The following SDCBP variants were observed in gnomAD, a reference collection of about 807,000 sequenced individuals.
SDCBP encodes the protein syntenin-1.
In SDCBP, 22 loss-of-function variants were observed where a neutral mutation model predicts 30.5. That is an observed-to-expected ratio of 0.72 (90% CI 0.52 to 1.03). SDCBP has a LOEUF of 1.03. Ranked by LOEUF, SDCBP falls within the 50% of genes least tolerant of loss-of-function variation. The probability of loss-of-function intolerance (pLI) is 0.00; values close to 1 mark genes in which losing one functional copy is unlikely to be tolerated. For synonymous variants in SDCBP, 103 were observed against 118.7 expected (o/e 0.87, Z 0.86); for missense variants, 304 against 369.9 (o/e 0.82, Z 1.46).
rs77241776 is a variant in SDCBP at position 58,557,867 on chromosome 8, G to A, written c.-16+4564G>A. On this transcript the variant is annotated intron_variant, in intron 1 of 8. Transcript: ENST00000260130. ...GAAACAAAATTCTTTAGTTTAGTTC[G>A]TACAATAATAATGTTTGATAAGAGT... Among the ~76,000 whole-genome samples, 854 of 152,226 alleles carry A rather than the reference G, an allele frequency of 5.6e-3. 6 individuals are homozygous for A. The highest frequency in any genetic ancestry group is 0.019 in the African/African-American group (792 of 41,530).
At position 58,581,867 on chromosome 8, in the gene SDCBP, C is replaced by T. The variant is rs1805707516; in HGVS notation, c.*127C>T. On this transcript the variant is annotated 3_prime_UTR_variant, in exon 9 of 9. Transcript: ENST00000260130. ...GCTGCATGAGGACCTTTCTATCTTA[C>T]ATTATGGCTGGGAATCTTACTCTTT... 6.9e-6 allele frequency: 5 copies of T among 721,016 alleles called. No individual in the cohort carries two copies. The highest frequency in any genetic ancestry group is 1.2e-5 in the Non-Finnish European group (5 of 407,048). 44.7% of individuals were successfully genotyped at this position (721,016 alleles called of 1,614,324 possible). A position where few individuals can be genotyped will look rare whatever the true frequency, so the allele number is the denominator to read the frequency against.
chr8:58,571,001 G>A (rs759037447), intron 3 of SDCBP, 36 bp downstream of exon 3: 5 of 1,441,922 alleles, frequency 3.5e-6, no homozygotes, highest in Non-Finnish European at 3.9e-6. Context: ...TCTGTGAACA[G>A]AAATATTGTT....
intron 4 of SDCBP, among the ~76,000 whole-genome samples, chr8:58,572,800 C>CTTTTTTTTTTT (rs947602204): frequency 3.6e-5 from 3 of 83,140 alleles, no homozygotes; most frequent in Admixed American, 1.6e-4. Flanking sequence ...TGCTCATAAT[C>CTTTTTTTTTTT]TTTTTTTTTT....
At chr8:58,565,443 A>G (rs1007940728) in intron 2 of SDCBP, among the ~76,000 whole-genome samples, 1 of 152,140 alleles carries the variant, frequency 6.6e-6, no homozygotes, top group Admixed American at 6.5e-5. Context: ...ATCTTTAGGT[A>G]TGACCACTCT....
At chr8:58,557,069 A>G (rs1182089945) in intron 1 of SDCBP, among the ~76,000 whole-genome samples, 1 of 129,866 alleles carries the variant, frequency 7.7e-6, no homozygotes, top group Non-Finnish European at 1.5e-5. Flanking sequence ...TATATTATAT[A>G]GTATAGTATA....
chr8:58,572,235 C>T lies in SDCBP; in HGVS notation c.161C>T (p.Ser54Phe), dbSNP rs770189965. Residue 54 changes from serine to phenylalanine, a missense_variant, in exon 4 of 9, where the codon TCT (serine) becomes TTT (phenylalanine). Coordinates refer to ENST00000260130, the MANE Select transcript of SDCBP (RefSeq NM_005625.4). ...NLYPRLYPEL[S>F]QYMGLSLNEE... ...TATCCCAGACTGTATCCAGAGCTCT[C>T]TCAATACATGGGGCTGAGTTTAAAT... The T allele has an allele frequency of 1.2e-6, 2 of 1,611,304 alleles. No individual in the cohort carries two copies. The highest frequency in any genetic ancestry group is 2.7e-5 in the African/African-American group (2 of 74,934).
Position 58,578,225 on chromosome 8 carries a change from C to A in SDCBP, c.578+17C>A. 1 of 1,484,554 alleles carries A rather than the reference C, an allele frequency of 6.7e-7. No individual in the cohort carries two copies. The highest frequency in any genetic ancestry group is 9.0e-7 in the Non-Finnish European group (1 of 1,117,278). 92.0% of individuals were successfully genotyped at this position (1,484,554 alleles called of 1,614,324 possible). A position where few individuals can be genotyped will look rare whatever the true frequency, so the allele number is the denominator to read the frequency against. ...TCGTGACAGGTAAGCTGTTACTAAA[C>A]AGCTCAAATGAAAATTCAATACTAG... On this transcript the variant is annotated intron_variant, in intron 6 of 8. Transcript: ENST00000260130.
At chr8:58,579,143 C>G (rs1805524260) in intron 6 of SDCBP, among the ~76,000 whole-genome samples, 1 of 152,128 alleles carries the variant, frequency 6.6e-6, no homozygotes, top group South Asian at 2.1e-4. Context: ...TCTAGTTTTT[C>G]TTTTCAAAGA....
At position 58,578,391 on chromosome 8, in the gene SDCBP, C is replaced by A. The variant is rs62511970; in HGVS notation, c.578+183C>A. On this transcript the variant is annotated intron_variant, in intron 6 of 8. Transcript: ENST00000260130. ...ACATTGTTTTTAAAGCATTCTGATA[C>A]GATACCTTATTTCAGAGTTTATAGG... is the stretch of plus-strand genomic sequence containing the variant. The A allele has an allele frequency of 8.1e-3, 3,642 of 448,852 alleles. 34 individuals carry two copies. The highest frequency in any genetic ancestry group is 0.011 in the Non-Finnish European group (2,930 of 255,914). The allele number at this position is 448,852 out of a possible 1,614,324, so 27.8% of individuals were successfully genotyped here.
Position 58,569,481 on chromosome 8 carries a change from T to C in SDCBP, c.52-1406T>C, listed in dbSNP as rs565970982. Among the ~76,000 whole-genome samples the C allele has an allele frequency of 3.9e-3, 594 of 152,388 alleles. 9 individuals carry two copies. The highest frequency in any genetic ancestry group is 0.014 in the African/African-American group (567 of 41,600). On this transcript the variant is annotated intron_variant, in intron 2 of 8. Transcript: ENST00000260130. ...TCCCAAAGTGCTGGGATTAAAGGCCTCAGCCACTGTGCCTGGCCTAATATT... is the reference window on the plus strand; with the variant it reads ...TCCCAAAGTGCTGGGATTAAAGGCCCCAGCCACTGTGCCTGGCCTAATATT...
rs1180926525 is a variant in SDCBP, at chr8:58,578,034, G to T, written c.404G>T (p.Gly135Val). 2 of 1,610,722 alleles carry T rather than the reference G, an allele frequency of 1.2e-6. No individual in the cohort carries two copies. Among genetic ancestry groups the T allele is most frequent in the Non-Finnish European group, 1.7e-6 (2 of 1,177,334 alleles). ...AAAAATTATTTTCTTATTATCTAGG[G>T]TATATTTGTTCAGCTAGTCCAGGCT... ...IGLRLKSIDN[G>V]IFVQLVQANS... Residue 135 changes from glycine to valine, a missense_variant and splice_region_variant, in exon 6 of 9, where the codon GGT becomes GTT. By Grantham distance (109) the Gly-to-Val change is moderately radical. Transcript: ENST00000260130.
chr8:58,567,968 C>G (rs536007271), intron 2 of SDCBP, among the ~76,000 whole-genome samples: 32 of 152,262 alleles, frequency 2.1e-4, no homozygotes, highest in South Asian at 4.1e-4. Context: ...CTGGGTAAGT[C>G]AGTGAGTGAG....
chr8:58,579,719 C>G lies in SDCBP; in HGVS notation c.675C>G (p.Ser225Arg). The G allele has an allele frequency of 6.2e-7, 1 of 1,612,748 alleles. No individual in the cohort carries two copies. The highest frequency in any genetic ancestry group is 1.1e-5 in the South Asian group (1 of 90,870). The change falls in exon 7 of 9, where the codon AGC becomes AGG. Residue 225 changes from serine (S) to arginine (R), a missense_variant. Coordinates refer to ENST00000260130, the MANE Select transcript of SDCBP (RefSeq NM_005625.4). ...AAATAACATCCATAGTGAAAGATAG[C>G]TCTGCAGCCAGAAATGGTCTTCTCA... ...NGKITSIVKD[S>R]SAARNGLLTE...
chr8:58,561,936 A>C (rs1367736239), intron 1 of SDCBP: 1 of 512,300 alleles, frequency 2.0e-6, no homozygotes, highest in Non-Finnish European at 3.4e-6. Flanking sequence ...GATGAGAAGA[A>C]GCAGTATTGT....
chr8:58,558,594 G>A (rs1804278786), intron 1 of SDCBP, among the ~76,000 whole-genome samples: 1 of 152,160 alleles, frequency 6.6e-6, no homozygotes, highest in East Asian at 1.9e-4. Context: ...TATCTTTGAG[G>A]ATGAGGAAAA....
rs549398904 is a variant in SDCBP at position 58,576,350 on chromosome 8, G to A, written c.402+289G>A. ...TTATAGTTTGTATAATAGAATTGTG[G>A]CAATTAAATAGAGCAGATGTGAAGG... is the stretch of plus-strand genomic sequence containing the variant. On this transcript the variant is annotated intron_variant, in intron 5 of 8. Coordinates refer to ENST00000260130, the MANE Select transcript of SDCBP (RefSeq NM_005625.4). 7 of 207,216 alleles carry A rather than the reference G, an allele frequency of 3.4e-5. No individual in the cohort carries two copies. The East Asian group carries it at 7.9e-4, about 23-fold the overall frequency. The allele number at this position is 207,216 out of a possible 1,614,324, so 12.8% of individuals were successfully genotyped here. A position where few individuals can be genotyped will look rare whatever the true frequency, so the allele number is the denominator to read the frequency against.
chr8:58,575,017 A>T (rs547489080), intron 4 of SDCBP, among the ~76,000 whole-genome samples: 1 of 152,288 alleles, frequency 6.6e-6, no homozygotes, highest in East Asian at 1.9e-4. Context: ...CATTTTTCTC[A>T]TTCTTTGCCC....
chr8:58,579,981 A>G (rs189825397), intron 7 of SDCBP, 187 bp downstream of exon 7: 1 of 470,434 alleles, frequency 2.1e-6, no homozygotes. Flanking sequence ...TTCCTATAAC[A>G]AGTGGGCTGG....
Position 58,555,222 on chromosome 8 carries a change from T to A in SDCBP, c.-16+1919T>A, listed in dbSNP as rs559490125. ...ATATGTTGCTTCCTTTGTGCACATA[T>A]ATTTTTACACTTCAGGTTTTGAGAC... On this transcript the variant is annotated intron_variant, in intron 1 of 8. Coordinates refer to ENST00000260130, the MANE Select transcript of SDCBP (RefSeq NM_005625.4). 2.6e-5 allele frequency among the ~76,000 whole-genome samples: 4 copies of A among 152,310 alleles called. No individual in the cohort carries two copies. The South Asian group carries it at 8.3e-4, about 32-fold the overall frequency.
Sources: gnomAD v4.1 joint callset for allele counts (sites outside exome capture counted in the v4.1 genomes callset) on GRCh38, gnomAD v4.1.1 for gene constraint, MANE v1.5 for transcripts, NCBI Gene and HGNC (gene_info 2026-07-23, HGNC 2026-07-21) for gene names.